PRIM2: variants seen among roughly 807,000 people sequenced by gnomAD.
PRIM2 encodes DNA primase subunit 2.
Under a neutral mutation model 67.3 loss-of-function variants are expected in PRIM2, and 39 were observed. That is an observed-to-expected ratio of 0.58 (90% CI 0.45 to 0.76). The LOEUF is 0.76. PRIM2 is among the 30% of genes least tolerant of loss of function. The probability of loss-of-function intolerance (pLI) is 0.00; values close to 1 mark genes in which losing one functional copy is unlikely to be tolerated. For missense variants in PRIM2, 398 were observed against 598.7 expected (o/e 0.66, Z 3.50); for synonymous variants, 143 against 198.7 (o/e 0.72, Z 2.36).
chr6:57,448,970 G>A (rs1482273396), intron 7 of PRIM2, among the ~76,000 whole-genome samples: 1 of 152,088 alleles, frequency 6.6e-6, no homozygotes, highest in Non-Finnish European at 1.5e-5. Flanking sequence ...TCTCATCACG[G>A]CCAAGAACTC....
intron 7 of PRIM2, among the ~76,000 whole-genome samples, chr6:57,385,578 G>GT (rs1290677764): frequency 2.0e-5 from 3 of 152,108 alleles, no homozygotes; most frequent in Non-Finnish European, 4.4e-5. Context: ...CCCCATTCAA[G>GT]TTTCACCAGT....
chr6:57,544,501 G>T, intron 10 of PRIM2, among the ~76,000 whole-genome samples: 1 of 152,196 alleles, frequency 6.6e-6, no homozygotes, highest in East Asian at 1.9e-4. Flanking sequence ...GATGTATTAA[G>T]TGAGTCCTAT....
At chr6:57,449,725 C>T (rs1772477242) in intron 7 of PRIM2, among the ~76,000 whole-genome samples, 2 of 152,064 alleles carry the variant, frequency 1.3e-5, no homozygotes, top group East Asian at 1.9e-4. Flanking sequence ...TTGTAAACTA[C>T]ACATGAAAGC....
At chr6:57,243,349 G>A in the PRIM2 span, among the ~76,000 whole-genome samples, 1 of 152,182 alleles carries the variant, frequency 6.6e-6, no homozygotes, top group Non-Finnish European at 1.5e-5. Flanking sequence ...ATATGAGAAA[G>A]GGGGAAGAAA....
At chr6:57,601,424 A>G (rs1776461623) in intron 11 of PRIM2, among the ~76,000 whole-genome samples, 1 of 152,254 alleles carries the variant, frequency 6.6e-6, no homozygotes, top group Non-Finnish European at 1.5e-5. Context: ...AAATTCATTC[A>G]GCTGCACTTC....
At chr6:57,351,647 A>C (rs113071948) in intron 5 of PRIM2, among the ~76,000 whole-genome samples, 19,179 of 151,802 alleles carry the variant, frequency 0.13, 1,363 homozygotes, top group African/African-American at 0.18. Flanking sequence ...GTGAACATAA[A>C]AAAAAAGGAG....
At chr6:57,474,578 C>A (rs1773429072) in intron 7 of PRIM2, among the ~76,000 whole-genome samples, 1 of 152,088 alleles carries the variant, frequency 6.6e-6, no homozygotes, top group South Asian at 2.1e-4. Context: ...AAATAATACT[C>A]TACTTGTGGC....
chr6:57,348,998 G>C (rs1768771848), intron 5 of PRIM2, among the ~76,000 whole-genome samples: 2 of 152,074 alleles, frequency 1.3e-5, no homozygotes, highest in East Asian at 3.9e-4. Context: ...GCCTGCTTCG[G>C]CCTTCCAAAG....
intron 12 of PRIM2, among the ~76,000 whole-genome samples, chr6:57,617,685 G>A (rs1485049365): frequency 6.6e-6 from 1 of 152,154 alleles, no homozygotes; most frequent in Non-Finnish European, 1.5e-5. Flanking sequence ...TTGCAAATAT[G>A]TTCTCCTATT....
intron 7 of PRIM2, among the ~76,000 whole-genome samples, chr6:57,397,142 C>T (rs1426313370): frequency 6.6e-6 from 1 of 152,022 alleles, no homozygotes; most frequent in Non-Finnish European, 1.5e-5. Context: ...TGAAAATGTG[C>T]CTAGGTGAAG....
At chr6:57,283,888 T>A in the PRIM2 span, among the ~76,000 whole-genome samples, 21,934 of 151,998 alleles carry the variant, frequency 0.14, 2,035 homozygotes, top group African/African-American at 0.26. Context: ...GATTTTTTTT[T>A]AAAAGCTAAC....
At chr6:57,555,961 A>G (rs1286111875) in intron 10 of PRIM2, among the ~76,000 whole-genome samples, 1 of 152,204 alleles carries the variant, frequency 6.6e-6, no homozygotes, top group African/African-American at 2.4e-5. Flanking sequence ...AAGAGCTTTT[A>G]TTTTCATATT....
chr6:57,568,043 A>G (rs1322719992), intron 10 of PRIM2, among the ~76,000 whole-genome samples: 2 of 152,156 alleles, frequency 1.3e-5, no homozygotes, highest in South Asian at 2.1e-4. Flanking sequence ...TTTTTGCTAT[A>G]TATTTCCTGA....
At chr6:57,639,467 G>A (rs1353387633) in intron 13 of PRIM2, among the ~76,000 whole-genome samples, 1 of 151,812 alleles carries the variant, frequency 6.6e-6, no homozygotes, top group African/African-American at 2.4e-5. Context: ...CCAGAAGCTT[G>A]TTTTTTGAAA....
At chr6:57,642,668 C>T (rs1158253740) in intron 13 of PRIM2, among the ~76,000 whole-genome samples, 1 of 151,922 alleles carries the variant, frequency 6.6e-6, no homozygotes, top group Non-Finnish European at 1.5e-5. Context: ...GTCTCAATCT[C>T]CTGACCTCGT....
chr6:57,537,303 C>T lies in PRIM2; in HGVS notation c.835-137C>T, dbSNP rs1775021269. The T allele has an allele frequency of 1.1e-5, 5 of 445,170 alleles. No individual in the cohort carries two copies. The East Asian group carries it at 1.6e-4, about 15-fold the overall frequency. The allele number at this position is 445,170 out of a possible 1,614,324, so 27.6% of individuals were successfully genotyped here. ...TATACAGATAAGAGTCATCTGTAAC[C>T]ACAGTAATAAAGTGGCACTTTCTTA... On this transcript the variant is annotated intron_variant, in intron 9 of 13. Transcript: ENST00000615550.
At chr6:57,233,979 T>C in the PRIM2 span, among the ~76,000 whole-genome samples, 1 of 152,184 alleles carries the variant, frequency 6.6e-6, no homozygotes, top group East Asian at 1.9e-4. Flanking sequence ...TAACAATTTC[T>C]TATTTATTCT....
At chr6:57,296,067 C>T in the PRIM2 span, among the ~76,000 whole-genome samples, 1 of 152,068 alleles carries the variant, frequency 6.6e-6, no homozygotes, top group African/African-American at 2.4e-5. Flanking sequence ...AAATGGAATA[C>T]TAACTATAAC....
chr6:57,288,919 G>T, the PRIM2 span, among the ~76,000 whole-genome samples: 1 of 152,112 alleles, frequency 6.6e-6, no homozygotes, highest in Non-Finnish European at 1.5e-5. Flanking sequence ...ACAGCTCCTC[G>T]CCAGCAAGGG....
Sources: allele counts gnomAD v4.1 joint callset (sites outside exome capture counted in the v4.1 genomes callset), GRCh38; gene constraint gnomAD v4.1.1; transcripts MANE v1.5; gene names NCBI Gene and HGNC (gene_info 2026-07-23, HGNC 2026-07-21).